Variants in FAM151B observed in about 807,000 individuals in gnomAD.
The protein encoded by FAM151B is family with sequence similarity 151 member B.
FAM151B carries 24 observed loss-of-function variants against 31.2 expected under a neutral mutation model. The observed-to-expected ratio is 0.77, with a 90% CI of 0.56 to 1.08. The LOEUF (loss-of-function observed/expected upper bound fraction) is 1.08, where lower values mean the gene tolerates loss of function less well. FAM151B is among the 50% of genes least tolerant of loss of function. The probability of loss-of-function intolerance (pLI) is 0.00; values close to 1 mark genes in which losing one functional copy is unlikely to be tolerated. For missense variants in FAM151B, 293 were observed against 328.6 expected, an observed-to-expected ratio of 0.89 and a Z score of 0.84; for synonymous variants, 105 against 111.4, an observed-to-expected ratio of 0.94 and a Z score of 0.36.
Position 80,541,830 on chromosome 5 carries a change from T to C in FAM151B, c.829T>C (p.Ter277GlnextTer26). Residue 277 changes from the stop codon to glutamine, a stop_lost, in exon 6 of 6, where the codon TAA becomes CAA. Transcript: ENST00000282226. ...KQAIGIKVNL[*>Q] ...AGCCATTGGAATCAAAGTTAATCTC[T>C]AAGAAGAAGATTCTCAATTATTTCC... The C allele has an allele frequency of 6.2e-7, 1 of 1,610,420 alleles. No homozygotes were observed. The highest frequency in any genetic ancestry group is 8.5e-7 in the Non-Finnish European group (1 of 1,178,752).
At chr5:80,488,483 C>G (rs1364722738) in intron 1 of FAM151B, among the ~76,000 whole-genome samples, 3 of 152,234 alleles carry the variant, frequency 2.0e-5, no homozygotes, top group African/African-American at 7.2e-5. Context: ...TGGGGGCGGT[C>G]TGGGTCAGTA....
intron 2 of FAM151B, among the ~76,000 whole-genome samples, chr5:80,513,169 G>A (rs563950822): frequency 5.9e-5 from 9 of 152,264 alleles, no homozygotes; most frequent in Non-Finnish European, 1.2e-4. Flanking sequence ...TAACTAAACC[G>A]TAAGTCAAAG....
chr5:80,500,544 C>G (rs1010998494), intron 1 of FAM151B: 6 of 756,640 alleles, frequency 7.9e-6, no homozygotes, highest in Non-Finnish European at 1.4e-5. Flanking sequence ...TTTTGAATGG[C>G]AAGGATGGCG....
chr5:80,499,027 A>C (rs540735875), intron 1 of FAM151B: 1 of 175,216 alleles, frequency 5.7e-6, no homozygotes, highest in South Asian at 1.3e-4. Context: ...AAAAAAAAAA[A>C]GTAGTTTTAG....
intron 1 of FAM151B, among the ~76,000 whole-genome samples, chr5:80,496,897 A>G (rs1325313601): frequency 1.5e-5 from 2 of 133,266 alleles, no homozygotes; most frequent in South Asian, 2.2e-4. Flanking sequence ...TGCAACCTCT[A>G]CCTCCTGGGT....
At chr5:80,516,887 C>T (rs1744470263) in intron 3 of FAM151B, among the ~76,000 whole-genome samples, 1 of 152,198 alleles carries the variant, frequency 6.6e-6, no homozygotes, top group Non-Finnish European at 1.5e-5. Flanking sequence ...ACCTGCAGTA[C>T]ACCATGGTCT....
At chr5:80,530,920 C>T (rs1427296549) in intron 5 of FAM151B, among the ~76,000 whole-genome samples, 1 of 152,172 alleles carries the variant, frequency 6.6e-6, no homozygotes, top group Non-Finnish European at 1.5e-5. Flanking sequence ...AAAGAGCCCG[C>T]ATTGCCAAGA....
chr5:80,505,905 C>G (rs935262836), intron 2 of FAM151B: 3 of 165,306 alleles, frequency 1.8e-5, no homozygotes, highest in African/African-American at 7.2e-5. Flanking sequence ...TACAGGCTCA[C>G]ACCACCACAC....
At chr5:80,537,735 G>T (rs1487144299) in intron 5 of FAM151B, among the ~76,000 whole-genome samples, 2 of 152,142 alleles carry the variant, frequency 1.3e-5, no homozygotes, top group Non-Finnish European at 2.9e-5. Context: ...GAATTCAGGA[G>T]TTTGTTAGAA....
At chr5:80,538,436 CTTTCTTTCTTTCTCTTTCTTTCTT>C (rs1211466476) in intron 5 of FAM151B, among the ~76,000 whole-genome samples, 267 of 59,596 alleles carry the variant, frequency 4.5e-3, no homozygotes, top group Non-Finnish European at 5.8e-3. Context: ...TTCTTTCTTT[CTTTCTTTCTTTCTCTTTCTTTCTT>C]TCTTTCTTTC....
At chr5:80,501,463 T>C (rs997462066) in intron 1 of FAM151B, 24 of 123,562 alleles carry the variant, frequency 1.9e-4, no homozygotes, top group Admixed American at 1.8e-3. Flanking sequence ...TGCTCTCAAA[T>C]TGAAAAAAAA....
chr5:80,536,547 T>C (rs1188560993), intron 5 of FAM151B, among the ~76,000 whole-genome samples: 1 of 152,162 alleles, frequency 6.6e-6, no homozygotes, highest in Non-Finnish European at 1.5e-5. Context: ...CTGCTCGGTA[T>C]GTAAACAAAA....
intron 5 of FAM151B, among the ~76,000 whole-genome samples, chr5:80,534,445 G>A (rs1354545018): frequency 1.3e-5 from 2 of 152,150 alleles, no homozygotes; most frequent in South Asian, 4.1e-4. Context: ...TGAAAGGATG[G>A]TTCAACACAT....
At chr5:80,490,882 A>C (rs1453237396) in intron 1 of FAM151B, among the ~76,000 whole-genome samples, 1 of 152,226 alleles carries the variant, frequency 6.6e-6, no homozygotes, top group Non-Finnish European at 1.5e-5. Context: ...TTTGTGTACA[A>C]GTTTTTGTGT....
At chr5:80,491,415 G>A (rs1443866739) in intron 1 of FAM151B, among the ~76,000 whole-genome samples, 2 of 152,038 alleles carry the variant, frequency 1.3e-5, no homozygotes, top group Admixed American at 6.6e-5. Flanking sequence ...TAGAGACAAG[G>A]TCTTGCTTCA....
intron 1 of FAM151B, among the ~76,000 whole-genome samples, chr5:80,489,354 A>G (rs1743229231): frequency 6.6e-6 from 1 of 152,092 alleles, no homozygotes; most frequent in Non-Finnish European, 1.5e-5. Context: ...CTTTTTTAAG[A>G]TCTGTGCTAA....
At chr5:80,507,873 C>T (rs1025564114) in intron 2 of FAM151B, among the ~76,000 whole-genome samples, 1 of 152,170 alleles carries the variant, frequency 6.6e-6, no homozygotes, top group African/African-American at 2.4e-5. Flanking sequence ...TACGCTCCCT[C>T]CTCCTTGGGC....
chr5:80,504,581 C>T (rs1743879220), intron 2 of FAM151B, among the ~76,000 whole-genome samples: 1 of 136,388 alleles, frequency 7.3e-6, no homozygotes, highest in Non-Finnish European at 1.5e-5. Flanking sequence ...AGTGCAGTGG[C>T]ACGATCTATG....
rs1744879310 is a variant in FAM151B, at chr5:80,524,685, G to A, written c.671+2547G>A. Among the ~76,000 whole-genome samples the A allele has an allele frequency of 2.0e-5, 3 of 152,100 alleles. No homozygotes were observed. In the South Asian group the frequency reaches 6.2e-4, roughly 32 times the overall value. ...AACTTAGCACTGAAATATTTATGTA[G>A]ACTATACTTTTTATGGTAAAAGCAA... On this transcript the variant is annotated intron_variant, in intron 5 of 5. Coordinates refer to ENST00000282226, the MANE Select transcript of FAM151B (RefSeq NM_205548.3).
Sources: gnomAD v4.1 joint callset for allele counts (sites outside exome capture counted in the v4.1 genomes callset) on GRCh38, gnomAD v4.1.1 for gene constraint, MANE v1.5 for transcripts, NCBI Gene and HGNC (gene_info 2026-07-23, HGNC 2026-07-21) for gene names.